The following PLCB1 variants were observed in gnomAD, a reference collection of about 807,000 sequenced individuals.
The protein encoded by PLCB1 is 1-phosphatidylinositol 4,5-bisphosphate phosphodiesterase beta-1.
Under a neutral mutation model 161.8 loss-of-function variants are expected in PLCB1, and 46 were observed. The ratio of observed to expected loss-of-function variants is 0.28; its 90% CI spans 0.22 to 0.36. The LOEUF (loss-of-function observed/expected upper bound fraction) is 0.36, where lower values mean the gene tolerates loss of function less well. Among genes scored for constraint, PLCB1 ranks in the 10% least tolerant of loss-of-function variants. The pLI is 1.00. For missense variants in PLCB1, 1,016 were observed against 1,472.5 expected, an observed-to-expected ratio of 0.69 and a Z score of 5.07; for synonymous variants, 517 against 503.7, an observed-to-expected ratio of 1.03 and a Z score of -0.35.
At chr20:8,424,176 T>A (rs2122554988) in intron 3 of PLCB1, among the ~76,000 whole-genome samples, 1 of 152,038 alleles carries the variant, frequency 6.6e-6, no homozygotes, top group African/African-American at 2.4e-5. Flanking sequence ...ACACACAGTG[T>A]AGTGATGGAT....
chr20:8,392,200 C>T (rs1397925951), intron 3 of PLCB1, among the ~76,000 whole-genome samples: 1 of 151,886 alleles, frequency 6.6e-6, no homozygotes, highest in African/African-American at 2.4e-5. Context: ...GATTAAGGTC[C>T]TTATAAAAGA....
At chr20:8,610,104 T>C (rs1239606166) in intron 3 of PLCB1, among the ~76,000 whole-genome samples, 2 of 152,178 alleles carry the variant, frequency 1.3e-5, no homozygotes, top group Non-Finnish European at 2.9e-5. Flanking sequence ...CCTTTCTGTC[T>C]CTATGTGTTT....
intron 2 of PLCB1, among the ~76,000 whole-genome samples, chr20:8,368,421 G>T (rs182144308): frequency 6.6e-6 from 1 of 150,724 alleles, no homozygotes; most frequent in Non-Finnish European, 1.5e-5. Context: ...TCAGCTACTC[G>T]AGGGCTGAGG....
intron 3 of PLCB1, among the ~76,000 whole-genome samples, chr20:8,452,744 G>A (rs1194036206): frequency 3.3e-5 from 5 of 152,196 alleles, no homozygotes; most frequent in Non-Finnish European, 7.3e-5. Flanking sequence ...ATTTGATTTG[G>A]GATTTTGAAG....
chr20:8,215,544 T>C (rs1469493644), intron 2 of PLCB1, among the ~76,000 whole-genome samples: 1 of 152,050 alleles, frequency 6.6e-6, no homozygotes, highest in African/African-American at 2.4e-5. Context: ...GCAGCCCCCG[T>C]CCCTCTTGGA....
chr20:8,635,231 C>G (rs1328345760), intron 4 of PLCB1, among the ~76,000 whole-genome samples: 1 of 150,466 alleles, frequency 6.6e-6, no homozygotes, highest in Non-Finnish European at 1.5e-5. Context: ...GTGCTTGGCT[C>G]AATAAATGCG....
chr20:8,572,102 T>C (rs943076188), intron 3 of PLCB1, among the ~76,000 whole-genome samples: 2 of 152,242 alleles, frequency 1.3e-5, no homozygotes, highest in African/African-American at 4.8e-5. Flanking sequence ...TTTCAGCAAA[T>C]AAAATGCCAT....
chr20:8,745,615 T>C (rs1056700005), intron 23 of PLCB1, among the ~76,000 whole-genome samples: 1 of 151,836 alleles, frequency 6.6e-6, no homozygotes. Context: ...ATATATTATG[T>C]GTATAATATA....
intron 2 of PLCB1, among the ~76,000 whole-genome samples, chr20:8,167,197 AGATGCTT>A (rs1441052107): frequency 2.0e-5 from 3 of 152,182 alleles, no homozygotes; most frequent in Non-Finnish European, 4.4e-5. Context: ...CCCCCAGGGC[AGATGCTT>A]GTCTGTCTTA....
intron 14 of PLCB1, among the ~76,000 whole-genome samples, chr20:8,720,923 C>T (rs1979596027): frequency 2.0e-5 from 3 of 151,292 alleles, no homozygotes; most frequent in Non-Finnish European, 4.4e-5. Flanking sequence ...AGTGGCAATA[C>T]CCTAAAAGAA....
At chr20:8,552,344 C>T (rs917689384) in intron 3 of PLCB1, among the ~76,000 whole-genome samples, 4 of 152,192 alleles carry the variant, frequency 2.6e-5, no homozygotes, top group African/African-American at 9.7e-5. Flanking sequence ...TCTTTTAACT[C>T]AGTCTTTAGT....
At chr20:8,427,431 G>T (rs1310600619) in intron 3 of PLCB1, among the ~76,000 whole-genome samples, 1 of 152,166 alleles carries the variant, frequency 6.6e-6, no homozygotes, top group African/African-American at 2.4e-5. Flanking sequence ...GACATCAGCT[G>T]GAACTTGAAT....
At chr20:8,585,041 T>C (rs558127646) in intron 3 of PLCB1, among the ~76,000 whole-genome samples, 1 of 152,292 alleles carries the variant, frequency 6.6e-6, no homozygotes, top group Non-Finnish European at 1.5e-5. Context: ...AGTCTTTTAC[T>C]GCTTACCCTC....
intron 3 of PLCB1, among the ~76,000 whole-genome samples, chr20:8,560,388 T>G (rs1313459798): frequency 6.6e-6 from 1 of 151,934 alleles, no homozygotes; most frequent in Non-Finnish European, 1.5e-5. Context: ...TCTCACATGT[T>G]TCTAATACAG....
chr20:8,557,459 T>C (rs904305122), intron 3 of PLCB1, among the ~76,000 whole-genome samples: 1 of 152,174 alleles, frequency 6.6e-6, no homozygotes, highest in African/African-American at 2.4e-5. Flanking sequence ...GACAGATATT[T>C]GTATGATTCC....
At chr20:8,682,531 C>T (rs1990248724) in intron 9 of PLCB1, among the ~76,000 whole-genome samples, 1 of 152,158 alleles carries the variant, frequency 6.6e-6, no homozygotes. Context: ...AGCAATTTAG[C>T]TATTGAGTTT....
chr20:8,684,225 G>A (rs1232385055), intron 9 of PLCB1, among the ~76,000 whole-genome samples: 2 of 134,234 alleles, frequency 1.5e-5, no homozygotes, highest in South Asian at 2.4e-4. Context: ...AAAACCACTT[G>A]TAAATTATTT....
chr20:8,399,602 C>G (rs1346139916), intron 3 of PLCB1, among the ~76,000 whole-genome samples: 5 of 152,116 alleles, frequency 3.3e-5, no homozygotes, highest in Non-Finnish European at 5.9e-5. Flanking sequence ...CCCATTATAT[C>G]AAATATTACT....
intron 10 of PLCB1, among the ~76,000 whole-genome samples, chr20:8,693,281 G>A (rs1426003767): frequency 1.3e-5 from 2 of 152,152 alleles, no homozygotes; most frequent in Admixed American, 1.3e-4. Flanking sequence ...ATTTTCTTAA[G>A]AGTGGAAATG....
Sources: gnomAD v4.1 joint callset for allele counts (sites outside exome capture counted in the v4.1 genomes callset) on GRCh38, gnomAD v4.1.1 for gene constraint, MANE v1.5 for transcripts, NCBI Gene and HGNC (gene_info 2026-07-23, HGNC 2026-07-21) for gene names.